PLCB1: variants seen among roughly 807,000 people sequenced by gnomAD.
PLCB1 encodes the protein 1-phosphatidylinositol 4,5-bisphosphate phosphodiesterase beta-1.
In PLCB1, 46 loss-of-function variants were observed where a neutral mutation model predicts 161.8. That is an observed-to-expected ratio of 0.28 (90% confidence interval 0.22 to 0.36). The LOEUF (loss-of-function observed/expected upper bound fraction) is 0.36. PLCB1 is among the 10% of genes least tolerant of loss of function. The probability of loss-of-function intolerance (pLI) is 1.00; values close to 1 mark genes in which losing one functional copy is unlikely to be tolerated. For synonymous variants in PLCB1, 517 were observed against 503.7 expected, an observed-to-expected ratio of 1.03 and a Z score of -0.35; for missense variants, 1,016 against 1,472.5, an observed-to-expected ratio of 0.69 and a Z score of 5.07.
At chr20:8,397,718 A>T (rs1457805190) in intron 3 of PLCB1, among the ~76,000 whole-genome samples, 1 of 152,148 alleles carries the variant, frequency 6.6e-6, no homozygotes, top group African/African-American at 2.4e-5. Flanking sequence ...GTAACATTCT[A>T]TCTATGTGCT....
At chr20:8,761,826 T>G (rs909661837) in intron 25 of PLCB1, among the ~76,000 whole-genome samples, 3 of 149,604 alleles carry the variant, frequency 2.0e-5, no homozygotes, top group Non-Finnish European at 4.5e-5. Context: ...ACTCCTGACC[T>G]CAGGTGATCC....
At chr20:8,842,680 ATGAG>A (rs1986551238) in intron 31 of PLCB1, among the ~76,000 whole-genome samples, 1 of 152,146 alleles carries the variant, frequency 6.6e-6, no homozygotes, top group African/African-American at 2.4e-5. Context: ...CTAAGGGGGT[ATGAG>A]TGAAAGGGTC....
At chr20:8,224,957 TTA>T (rs1458876328) in intron 2 of PLCB1, among the ~76,000 whole-genome samples, 1 of 152,176 alleles carries the variant, frequency 6.6e-6, no homozygotes, top group Non-Finnish European at 1.5e-5. Flanking sequence ...TAACCACTCA[TTA>T]TGGAAAATTT....
Position 8,774,574 on chromosome 20 carries a change from C to A in PLCB1, c.2966C>A (p.Thr989Lys), listed in dbSNP as rs1982851592. ...EPSSPDHGSS[T>K]IEQDLAALDA... is the part of the protein sequence containing the mutation. ...AGCAGCCCTGATCATGGTTCATCAA[C>A]GATTGAGCAAGACCTCGCTGCTCTG... The change falls in exon 27 of 32, where the codon ACG (threonine) becomes AAG (lysine). Residue 989 changes from threonine (T) to lysine (K), a missense_variant. Around this residue, in one of 10 missense-constraint regions of PLCB1, gnomAD observed 398 missense variants for 445.4 expected, o/e 0.89. Coordinates refer to ENST00000338037, the MANE Select transcript of PLCB1 (RefSeq NM_015192.4). 2.5e-6 allele frequency: 4 copies of A among 1,613,322 alleles called. No individual in the cohort carries two copies. In the South Asian group the frequency reaches 4.4e-5, roughly 18 times the overall value.
At chr20:8,322,341 C>A (rs1984957840) in intron 2 of PLCB1, among the ~76,000 whole-genome samples, 1 of 152,028 alleles carries the variant, frequency 6.6e-6, no homozygotes, top group Non-Finnish European at 1.5e-5. Flanking sequence ...CTGATATTTT[C>A]ATTCTGTCCT....
chr20:8,426,454 G>C (rs1979779066), intron 3 of PLCB1, among the ~76,000 whole-genome samples: 1 of 152,190 alleles, frequency 6.6e-6, no homozygotes, highest in African/African-American at 2.4e-5. Flanking sequence ...TTGAAGCTCA[G>C]AATGGAAAAC....
chr20:8,377,879 C>T (rs2719802), intron 3 of PLCB1, among the ~76,000 whole-genome samples: 56,295 of 151,940 alleles, frequency 0.37, 10,994 homozygotes, highest in South Asian at 0.51. Context: ...GTCTGGGGTT[C>T]AGGGAAGATG....
rs556953101 is a variant in PLCB1 at position 8,308,252 on chromosome 20, T to C, written c.178-63130T>C. On this transcript the variant is annotated intron_variant, in intron 2 of 31. Coordinates refer to ENST00000338037, the MANE Select transcript of PLCB1 (RefSeq NM_015192.4). The stretch of plus-strand genomic sequence containing the variant: ...ATAAACACATATATAGCACTTACCA[T>C]CTGCCAAATTATTTATATTCTTTTA... 1.8e-3 allele frequency among the ~76,000 whole-genome samples: 280 copies of C among 152,070 alleles called. 16 individuals carry two copies. In the South Asian group the frequency reaches 0.056, roughly 31 times the overall value.
chr20:8,255,121 G>A (rs1320876607), intron 2 of PLCB1, among the ~76,000 whole-genome samples: 2 of 152,086 alleles, frequency 1.3e-5, no homozygotes, highest in Admixed American at 1.3e-4. Flanking sequence ...ATTCACAGCA[G>A]ATGTAAACTA....
chr20:8,708,372 T>C (rs907400022), intron 11 of PLCB1, among the ~76,000 whole-genome samples: 5 of 152,196 alleles, frequency 3.3e-5, no homozygotes, highest in Admixed American at 6.5e-5. Flanking sequence ...CAAATGTTTA[T>C]AATATGATTA....
At chr20:8,645,982 A>C (rs1478849322) in intron 4 of PLCB1, 120 bp from the exon 5 acceptor site, 4 of 645,306 alleles carry the variant, frequency 6.2e-6, no homozygotes, top group Non-Finnish European at 1.1e-5. Context: ...TACAAAACAA[A>C]ACAAAAAACC....
At chr20:8,344,426 A>G (rs1029620596) in intron 2 of PLCB1, among the ~76,000 whole-genome samples, 5 of 152,194 alleles carry the variant, frequency 3.3e-5, no homozygotes, top group African/African-American at 1.2e-4. Context: ...CACTTTATTT[A>G]TGGGGTCTGA....
intron 31 of PLCB1, among the ~76,000 whole-genome samples, chr20:8,812,846 G>T (rs1984896692): frequency 6.6e-6 from 1 of 152,176 alleles, no homozygotes; most frequent in Non-Finnish European, 1.5e-5. Flanking sequence ...TAAGGAAATT[G>T]TCTATTTCCT....
chr20:8,673,700 T>C, intron 9 of PLCB1, among the ~76,000 whole-genome samples: 1 of 152,202 alleles, frequency 6.6e-6, no homozygotes. Context: ...TACAATATCG[T>C]TTGAGATATC....
chr20:8,720,735 A>T (rs536513992), intron 14 of PLCB1, among the ~76,000 whole-genome samples: 1 of 152,206 alleles, frequency 6.6e-6, no homozygotes, highest in South Asian at 2.1e-4. Flanking sequence ...CTAAAGAATG[A>T]CCTGATTGGC....
At chr20:8,308,320 G>T (rs1292688550) in intron 2 of PLCB1, among the ~76,000 whole-genome samples, 1 of 151,628 alleles carries the variant, frequency 6.6e-6, no homozygotes, top group African/African-American at 2.4e-5. Flanking sequence ...TCTGAGTAAA[G>T]AACTATGAAT....
In PLCB1 at chr20:8,684,968, G is replaced by C. The variant is rs1990323825; in HGVS notation, c.899G>C (p.Ser300Thr). 6.2e-7 allele frequency: 1 copy of C among 1,613,774 alleles called. No homozygotes were observed. The highest frequency in any genetic ancestry group is 8.5e-7 in the Non-Finnish European group (1 of 1,179,860). ...GTGGATGGGTTCATGCGCTATCTGA[G>C]TGGAGAAGAAAACGGAGTCGTTTCA... ...ISVDGFMRYL[S>T]GEENGVVSPE... The change falls in exon 10 of 32, where the codon AGT (serine) becomes ACT (threonine). Residue 300 changes from serine to threonine, a missense_variant. This residue lies in a region of PLCB1 where 117 missense variants were observed against 142.2 expected (regional missense o/e 0.82). Coordinates refer to ENST00000338037, the MANE Select transcript of PLCB1 (RefSeq NM_015192.4).
At chr20:8,295,218 A>G (rs10485723) in intron 2 of PLCB1, among the ~76,000 whole-genome samples, 11,317 of 152,248 alleles carry the variant, frequency 0.074, 503 homozygotes, top group East Asian at 0.17. Context: ...AGGCAATGAT[A>G]TAGGTAACCT....
intron 2 of PLCB1, among the ~76,000 whole-genome samples, chr20:8,261,137 A>C (rs1981671623): frequency 6.6e-6 from 1 of 152,068 alleles, no homozygotes; most frequent in Non-Finnish European, 1.5e-5. Context: ...TTGATCTTTT[A>C]GAGGGTTCTT....
Sources: allele counts gnomAD v4.1 joint callset (sites outside exome capture counted in the v4.1 genomes callset), GRCh38; gene constraint gnomAD v4.1.1; regional missense constraint gnomAD v4.1.1; transcripts MANE v1.5; gene names NCBI Gene and HGNC (gene_info 2026-07-23, HGNC 2026-07-21).